The following DEFB124 variants were observed in gnomAD, a reference collection of about 807,000 sequenced individuals.
DEFB124 encodes defensin beta 124.
For missense variants in DEFB124, 78 were observed against 83.1 expected, an observed-to-expected ratio of 0.94 and a Z score of 0.24; for synonymous variants, 38 against 36.5, an observed-to-expected ratio of 1.04 and a Z score of -0.15.
At chr20:31,467,448 C>T (rs1980111452) in intron 2 of DEFB124, among the ~76,000 whole-genome samples, 1 of 152,178 alleles carries the variant, frequency 6.6e-6, no homozygotes, top group Admixed American at 6.5e-5. Context: ...GGTCCAAATC[C>T]CAGCTCAGTC....
intron 2 of DEFB124, among the ~76,000 whole-genome samples, chr20:31,470,195 G>A (rs1428640010): frequency 2.1e-5 from 3 of 144,272 alleles, no homozygotes; most frequent in South Asian, 2.1e-4. Flanking sequence ...GCGGCTGGCC[G>A]GGCGGGGGGC....
chr20:31,469,495 G>A (rs971242308), intron 2 of DEFB124, among the ~76,000 whole-genome samples: 1 of 151,446 alleles, frequency 6.6e-6, no homozygotes, highest in Non-Finnish European at 1.5e-5. Context: ...GTTTCTCGCA[G>A]AGGGGGATTT....
chr20:31,473,943 A>G (rs1980404530), intron 1 of DEFB124, among the ~76,000 whole-genome samples: 1 of 152,216 alleles, frequency 6.6e-6, no homozygotes, highest in Admixed American at 6.5e-5. Context: ...GTACACAGGA[A>G]TCTAAGTTGC....
intron 2 of DEFB124, among the ~76,000 whole-genome samples, chr20:31,470,226 T>C (rs77059973): frequency 2.0e-4 from 21 of 105,114 alleles, no homozygotes; most frequent in East Asian, 7.4e-4. Context: ...ACCTCCCTCC[T>C]GGACAAGGCG....
intron 2 of DEFB124, among the ~76,000 whole-genome samples, chr20:31,468,931 G>A (rs1343023369): frequency 6.6e-6 from 1 of 152,082 alleles, no homozygotes; most frequent in African/African-American, 2.4e-5. Flanking sequence ...GAGCAACATA[G>A]GGAGGCCCCA....
At chr20:31,470,857 C>A (rs1568757947) in intron 2 of DEFB124, among the ~76,000 whole-genome samples, 1 of 139,964 alleles carries the variant, frequency 7.1e-6, no homozygotes, top group Non-Finnish European at 1.6e-5. Flanking sequence ...CCCTCCCGGA[C>A]GGGGCGGCTG....
At position 31,465,581 on chromosome 20, in the gene DEFB124, C is replaced by T. The variant is rs1474308397; in HGVS notation, c.141G>A (p.Leu47=). 1 of 1,614,216 alleles carries T rather than the reference C, an allele frequency of 6.2e-7. No homozygotes were observed. The highest frequency in any genetic ancestry group is 8.5e-7 in the Non-Finnish European group (1 of 1,180,044). ...GACAGCACAGGGACGCATCCGGGCA[C>T]AGGTGCATGTAAGTTTCTTGCCTTG... ...YCTRQETYMH[L]CPDASLCCLS... The change falls in exon 3 of 3, where the codon CTG becomes CTA. Residue 47 remains leucine (L), a synonymous_variant. Transcript: ENST00000317676.
At chr20:31,472,403 G>A (rs1311279400) in intron 2 of DEFB124, among the ~76,000 whole-genome samples, 2 of 147,632 alleles carry the variant, frequency 1.4e-5, no homozygotes, top group Non-Finnish European at 3.0e-5. Context: ...GAAAGAGAGG[G>A]AGAGGGAGAC....
intron 2 of DEFB124, among the ~76,000 whole-genome samples, chr20:31,466,207 G>A (rs1391790288): frequency 3.3e-5 from 5 of 152,074 alleles, no homozygotes; most frequent in Non-Finnish European, 5.9e-5. Flanking sequence ...CACACACCAG[G>A]TACACATAAG....
chr20:31,473,050 A>G lies in DEFB124; in HGVS notation c.-25-12T>C, dbSNP rs772886152. ...TCCTGGGGAGGCTGCTGGAGAGAGC[A>G]CAAGAGGAAAGACCCGAGCAGGCTG... On this transcript the variant is annotated splice_polypyrimidine_tract_variant and intron_variant, in intron 1 of 2. Transcript: ENST00000317676. 1.2e-6 allele frequency: 2 copies of G among 1,609,918 alleles called. No homozygotes were observed. Among genetic ancestry groups the G allele is most frequent in the African/African-American group, 1.3e-5 (1 of 74,740 alleles).
chr20:31,472,796 T>C, intron 2 of DEFB124, 160 bp downstream of exon 2: 1 of 709,146 alleles, frequency 1.4e-6, no homozygotes, highest in Non-Finnish European at 2.1e-6. Flanking sequence ...CAGGCTGATT[T>C]AGCAACTTGC....
At chr20:31,469,191 G>A (rs1411973441) in intron 2 of DEFB124, among the ~76,000 whole-genome samples, 1 of 152,104 alleles carries the variant, frequency 6.6e-6, no homozygotes, top group Non-Finnish European at 1.5e-5. Context: ...GGGAGGCCGG[G>A]GTGGGTCAAT....
intron 2 of DEFB124, among the ~76,000 whole-genome samples, chr20:31,469,132 A>G (rs893896159): frequency 1.3e-5 from 2 of 152,182 alleles, no homozygotes; most frequent in African/African-American, 4.8e-5. Context: ...TTAAAAAGAA[A>G]AAACTCTGGG....
At chr20:31,473,737 C>T (rs1434244033) in intron 1 of DEFB124, among the ~76,000 whole-genome samples, 2 of 152,178 alleles carry the variant, frequency 1.3e-5, no homozygotes, top group Admixed American at 6.5e-5. Context: ...CCACTGGTTA[C>T]AAGTTAGACC....
intron 1 of DEFB124, 29 bp from the exon 2 acceptor site, chr20:31,473,067 A>G: frequency 1.3e-6 from 2 of 1,599,232 alleles, no homozygotes; most frequent in Non-Finnish European, 8.5e-7. Flanking sequence ...GAAAGACCCG[A>G]GCAGGCTGAG....
At chr20:31,467,021 G>A (rs1371483508) in intron 2 of DEFB124, among the ~76,000 whole-genome samples, 1 of 152,180 alleles carries the variant, frequency 6.6e-6, no homozygotes, top group Admixed American at 6.5e-5. Context: ...TGCCACACTG[G>A]AAATGATGAG....
Position 31,475,028 on chromosome 20 carries a change from A to G in DEFB124, c.-427T>C, listed in dbSNP as rs1293929801. On this transcript the variant is annotated 5_prime_UTR_variant, in exon 1 of 3. Coordinates refer to ENST00000317676, the MANE Select transcript of DEFB124 (RefSeq NM_001037500.2). The surrounding 1 kb of genome is among the most constrained non-coding windows in gnomAD (Gnocchi z 5.0). The stretch of plus-strand genomic sequence containing the variant: ...AGTGCATCCCCTTGATGGAGTGGAC[A>G]GATGTGGACGCAGATGGAGCTCCAG... Among the ~76,000 whole-genome samples, 2 of 152,240 alleles carry G rather than the reference A, an allele frequency of 1.3e-5. No individual in the cohort carries two copies. The highest frequency in any genetic ancestry group is 1.3e-4 in the Admixed American group (2 of 15,284).
rs2122458282 is a variant in DEFB124 at position 31,472,841 on chromosome 20, A to G, written c.58+115T>C. On this transcript the variant is annotated intron_variant, in intron 2 of 2. Coordinates refer to ENST00000317676, the MANE Select transcript of DEFB124 (RefSeq NM_001037500.2). The stretch of plus-strand genomic sequence containing the variant: ...CCCACCAAGTCAGTGGTGGGGCCAG[A>G]ACTTAAATGCTGATAGAGGCCCCTC... 9.0e-6 allele frequency: 12 copies of G among 1,336,526 alleles called. No individual in the cohort carries two copies. The East Asian group carries it at 1.3e-4, about 15-fold the overall frequency. The allele number at this position is 1,336,526 out of a possible 1,614,324, so 82.8% of individuals were successfully genotyped here.
At chr20:31,471,591 T>C (rs1980311139) in intron 2 of DEFB124, among the ~76,000 whole-genome samples, 1 of 144,070 alleles carries the variant, frequency 6.9e-6, no homozygotes, top group African/African-American at 2.7e-5. Context: ...GCGGAGACGC[T>C]CCTCACTTCC....
Sources: gnomAD v4.1 joint callset for allele counts (sites outside exome capture counted in the v4.1 genomes callset) on GRCh38, gnomAD v4.1.1 for gene constraint, Gnocchi (gnomAD v3.1) non-coding constraint, MANE v1.5 for transcripts, NCBI Gene and HGNC (gene_info 2026-07-23, HGNC 2026-07-21) for gene names.